ADPRH: variants seen among roughly 807,000 people sequenced by gnomAD.
The protein encoded by ADPRH is ADP-ribosylarginine hydrolase.
ADPRH carries 27 observed loss-of-function variants against 28.8 expected under a neutral mutation model. That is an observed-to-expected ratio of 0.94 (90% CI 0.69 to 1.29). The LOEUF (loss-of-function observed/expected upper bound fraction) is 1.29. ADPRH is among the 50% of genes most tolerant of loss of function. ADPRH has a pLI of 0.00. For missense variants in ADPRH, 419 were observed against 444.8 expected (o/e 0.94, Z 0.52); for synonymous variants, 161 against 166.9 (o/e 0.96, Z 0.27).
intron 2 of ADPRH, among the ~76,000 whole-genome samples, chr3:119,581,530 G>C (rs1371459925): frequency 6.6e-6 from 1 of 152,140 alleles, no homozygotes; most frequent in Non-Finnish European, 1.5e-5. Flanking sequence ...CAAGCATCCT[G>C]GCTTGGCTGG....
In ADPRH at chr3:119,588,564, A is replaced by C. The variant is rs2082487226; in HGVS notation, c.*686A>C. ...AGTGTCTTCAGGTAAAGACTCAGAG[A>C]TACTTGCAGGGGCAAGCTGTAAAGG... On this transcript the variant is annotated 3_prime_UTR_variant, in exon 5 of 5. Transcript: ENST00000357003. 1 of 152,254 alleles carries C rather than the reference A, an allele frequency of 6.6e-6. No homozygotes were observed. Among genetic ancestry groups the C allele is most frequent in the Non-Finnish European group, 1.5e-5 (1 of 68,068 alleles). The allele number at this position is 152,254 out of a possible 1,614,324, so 9.4% of individuals were successfully genotyped here. A position where few individuals can be genotyped will look rare whatever the true frequency, so the allele number is the denominator to read the frequency against.
chr3:119,586,542 A>G lies in ADPRH; in HGVS notation c.556A>G (p.Arg186Gly). 1 of 1,614,192 alleles carries G rather than the reference A, an allele frequency of 6.2e-7. No individual in the cohort carries two copies. The highest frequency in any genetic ancestry group is 8.5e-7 in the Non-Finnish European group (1 of 1,180,018). ...TTTTACAGCCTATGCTGTGAATAGC[A>G]GACCACCCTTGCAGTGGGGAAAAGG... ...ALFTAYAVNSRPPLQWGKGLM... is the reference protein window; with the variant it reads ...ALFTAYAVNSGPPLQWGKGLM... Residue 186 changes from arginine to glycine, a missense_variant, in exon 4 of 5, where the codon AGA (arginine) becomes GGA (glycine). By Grantham distance (125) the Arg-to-Gly change is moderately radical (BLOSUM62 -2). Transcript: ENST00000357003.
At chr3:119,580,315 CG>C (rs1430470178) in intron 1 of ADPRH, 1 of 152,166 alleles carries the variant, frequency 6.6e-6, no homozygotes, top group Non-Finnish European at 1.5e-5. Flanking sequence ...CAGCGCAGGA[CG>C]GAACTTCCGA....
rs746218504 is a variant in ADPRH, at chr3:119,587,463, G to A, written c.660-1G>A. 2.0e-6 allele frequency: 3 copies of A among 1,519,674 alleles called. No individual in the cohort carries two copies. The highest frequency in any genetic ancestry group is 4.6e-5 in the East Asian group (2 of 43,312). The allele number at this position is 1,519,674 out of a possible 1,614,324, so 94.1% of individuals were successfully genotyped here. ...GACTCTAGATTTTTTCCTTTCTACA[G>A]GTCCTACTTCCAAACCAAATGGGAA... On this transcript the variant is annotated splice_acceptor_variant, in intron 4 of 4. Transcript: ENST00000357003. LOFTEE classifies it high-confidence loss of function.
intron 4 of ADPRH, 119 bp from the exon 5 acceptor site, chr3:119,587,345 A>T: frequency 1.5e-6 from 1 of 685,928 alleles, no homozygotes; most frequent in Non-Finnish European, 2.3e-6. Context: ...TTATGATATT[A>T]CTGCAAGAAG....
chr3:119,589,022 T>A lies in ADPRH; in HGVS notation c.*1144T>A, dbSNP rs891833458. Reference sequence around the variant, plus strand: ...TGAATACATCACCTTTCTTCATTTCTTGATGCTCTTCCCAATCCTTGTCTA... The same window carrying A: ...TGAATACATCACCTTTCTTCATTTCATGATGCTCTTCCCAATCCTTGTCTA... On this transcript the variant is annotated 3_prime_UTR_variant, in exon 5 of 5. Transcript: ENST00000357003. 1.1e-4 allele frequency: 16 copies of A among 152,274 alleles called. No homozygotes were observed. Among genetic ancestry groups the A allele is most frequent in the African/African-American group, 3.9e-4 (16 of 41,462 alleles). The allele number at this position is 152,274 out of a possible 1,614,324, so 9.4% of individuals were successfully genotyped here.
rs752720813 is a variant in ADPRH, at chr3:119,586,365, G to A, written c.379G>A (p.Gly127Ser). ...GWRIPFNSHE[G>S]GCGAAMRAMC... Reference sequence around the variant, plus strand: ...GAGGATTCCCTTCAACAGCCATGAGGGCGGCTGTGGGGCTGCCATGCGGGC... The same window carrying A: ...GAGGATTCCCTTCAACAGCCATGAGAGCGGCTGTGGGGCTGCCATGCGGGC... The change falls in exon 4 of 5, where the codon GGC becomes AGC. Residue 127 changes from glycine to serine, a missense_variant. By Grantham distance (56) the Gly-to-Ser change is moderately conservative (BLOSUM62 0). Transcript: ENST00000357003. 4 of 1,614,242 alleles carry A rather than the reference G, an allele frequency of 2.5e-6. No homozygotes were observed. Among genetic ancestry groups the A allele is most frequent in the Non-Finnish European group, 2.5e-6 (3 of 1,180,054 alleles).
intron 3 of ADPRH, among the ~76,000 whole-genome samples, chr3:119,584,701 C>T (rs75470495): frequency 0.01 from 1,524 of 152,330 alleles, 16 homozygotes; most frequent in Middle Eastern, 0.014. Flanking sequence ...ACCTACCTCT[C>T]CTATTTGAGG....
At chr3:119,584,457 G>A (rs2082439493) in intron 3 of ADPRH, among the ~76,000 whole-genome samples, 1 of 152,078 alleles carries the variant, frequency 6.6e-6, no homozygotes, top group Non-Finnish European at 1.5e-5. Context: ...CAGCTACCCA[G>A]GAGGCTGAGG....
chr3:119,587,377 C>T, intron 4 of ADPRH, 87 bp from the exon 5 acceptor site: 1 of 1,103,620 alleles, frequency 9.1e-7, no homozygotes. Flanking sequence ...TTGGATTTTT[C>T]TCTGTTCACA....
Position 119,589,403 on chromosome 3 carries a change from A to T in ADPRH, c.*1525A>T, listed in dbSNP as rs1439502721. The T allele has an allele frequency of 1.3e-5, 2 of 151,260 alleles. No individual in the cohort carries two copies. Among genetic ancestry groups the T allele is most frequent in the Admixed American group, 1.3e-4 (2 of 15,226 alleles). 9.4% of individuals were successfully genotyped at this position (151,260 alleles called of 1,614,324 possible). A position where few individuals can be genotyped will look rare whatever the true frequency, so the allele number is the denominator to read the frequency against. ...CTTTTGAGAAAACCACAGAACTATG[A>T]CTCTCATGATTTTTCCTTTGTGAAA... On this transcript the variant is annotated 3_prime_UTR_variant, in exon 5 of 5. Transcript: ENST00000357003.
In ADPRH at chr3:119,589,874, C is replaced by T. The variant is rs949181237; in HGVS notation, c.*1996C>T. On this transcript the variant is annotated 3_prime_UTR_variant, in exon 5 of 5. Coordinates refer to ENST00000357003, the MANE Select transcript of ADPRH (RefSeq NM_001125.4). ...AGAGAGAGAGAAGGGAGGATGAGAA[C>T]GAATGGGGGGAAGAGATAAACTTTA... The T allele has an allele frequency of 1.3e-5, 2 of 151,914 alleles. No individual in the cohort carries two copies. The highest frequency in any genetic ancestry group is 2.4e-5 in the African/African-American group (1 of 41,326). 9.4% of individuals were successfully genotyped at this position (151,914 alleles called of 1,614,324 possible).
intron 3 of ADPRH, among the ~76,000 whole-genome samples, chr3:119,585,053 T>C (rs549360592): frequency 6.6e-6 from 1 of 152,296 alleles, no homozygotes; most frequent in East Asian, 1.9e-4. Context: ...AGCTACAGCA[T>C]TTGAATTGGG....
chr3:119,584,775 T>C (rs763217868), intron 3 of ADPRH, among the ~76,000 whole-genome samples: 2 of 152,148 alleles, frequency 1.3e-5, no homozygotes, highest in Non-Finnish European at 2.9e-5. Flanking sequence ...AATTTGTCTC[T>C]CACAGCTCTG....
At chr3:119,585,883 T>C (rs942044902) in intron 3 of ADPRH, among the ~76,000 whole-genome samples, 1 of 152,224 alleles carries the variant, frequency 6.6e-6, no homozygotes, top group Non-Finnish European at 1.5e-5. Flanking sequence ...CCATAAGGAA[T>C]TGGGCTTTGG....
rs78274164 is a variant in ADPRH, at chr3:119,583,183, C to T, written c.298+716C>T. Among the ~76,000 whole-genome samples the T allele has an allele frequency of 1.8e-3, 275 of 152,156 alleles. 1 individual carries two copies. The highest frequency in any genetic ancestry group is 4.3e-3 in the Admixed American group (66 of 15,280). Reference sequence around the variant, plus strand: ...GGTTGAGGCTACAGTGAGCTAGGATCGTGCCACTGCATTCCAGCCTGAGTG... The same window carrying T: ...GGTTGAGGCTACAGTGAGCTAGGATTGTGCCACTGCATTCCAGCCTGAGTG... On this transcript the variant is annotated intron_variant, in intron 3 of 4. Transcript: ENST00000357003.
At chr3:119,583,095 G>A (rs769548565) in intron 3 of ADPRH, among the ~76,000 whole-genome samples, 13 of 152,124 alleles carry the variant, frequency 8.5e-5, no homozygotes, top group Non-Finnish European at 1.6e-4. Flanking sequence ...CAGGTGTCAT[G>A]GCACATACCT....
chr3:119,580,859 G>A (rs2082399219), intron 2 of ADPRH, among the ~76,000 whole-genome samples: 1 of 152,032 alleles, frequency 6.6e-6, no homozygotes, highest in East Asian at 1.9e-4. Flanking sequence ...TTTCATTCAT[G>A]GTGGGTATAT....
rs754524170 is a variant in ADPRH at position 119,587,584 on chromosome 3, C to T, written c.780C>T (p.Ser260=). The T allele has an allele frequency of 6.2e-7, 1 of 1,614,184 alleles. No homozygotes were observed. The highest frequency in any genetic ancestry group is 2.2e-5 in the East Asian group (1 of 44,886). Residue 260 remains serine (S), a synonymous_variant, in exon 5 of 5, where the codon TCC becomes TCT. Coordinates refer to ENST00000357003, the MANE Select transcript of ADPRH (RefSeq NM_001125.4). ...AGGAGAGGGATCAGTTCTACACCTC[C>T]CTGAGCTACTCTGGCTGGGGTGGCA... The part of the protein sequence containing the change: ...GVKERDQFYT[S]LSYSGWGGSS...
Sources: allele counts gnomAD v4.1 joint callset (sites outside exome capture counted in the v4.1 genomes callset), GRCh38; gene constraint gnomAD v4.1.1; transcripts MANE v1.5; gene names NCBI Gene and HGNC (gene_info 2026-07-23, HGNC 2026-07-21).